PRIM2: variants seen among roughly 807,000 people sequenced by gnomAD.
The protein encoded by PRIM2 is DNA primase large subunit.
A neutral mutation model predicts 67.3 loss-of-function variants in PRIM2; 39 were observed. The ratio of observed to expected loss-of-function variants is 0.58; its 90% CI spans 0.45 to 0.76. PRIM2 has a LOEUF of 0.76. Among genes scored for constraint, PRIM2 ranks in the 30% least tolerant of loss-of-function variants. The pLI is 0.00. For missense variants in PRIM2, 398 were observed against 598.7 expected (o/e 0.66, Z 3.50); for synonymous variants, 143 against 198.7 (o/e 0.72, Z 2.36).
the PRIM2 span, among the ~76,000 whole-genome samples, chr6:57,293,093 G>C: frequency 6.6e-6 from 1 of 152,076 alleles, no homozygotes; most frequent in African/African-American, 2.4e-5. Context: ...CTACCCATCC[G>C]ACAAAGGGCT....
At chr6:57,463,274 T>C (rs4990708) in intron 7 of PRIM2, among the ~76,000 whole-genome samples, 92 of 152,304 alleles carry the variant, frequency 6.0e-4, no homozygotes, top group African/African-American at 1.9e-3. Flanking sequence ...GGAGGATCGC[T>C]TGAGGCGAGG....
intron 7 of PRIM2, among the ~76,000 whole-genome samples, chr6:57,466,967 A>G (rs1367782639): frequency 2.0e-5 from 3 of 152,148 alleles, no homozygotes; most frequent in South Asian, 4.2e-4. Context: ...CTAAAATACA[A>G]AATTAGCCAG....
At chr6:57,357,437 T>C (rs1769066438) in intron 5 of PRIM2, among the ~76,000 whole-genome samples, 1 of 152,252 alleles carries the variant, frequency 6.6e-6, no homozygotes, top group African/African-American at 2.4e-5. Flanking sequence ...ACCAGCCATG[T>C]GAACTTCCTT....
chr6:57,615,882 T>G (rs1776748010), intron 12 of PRIM2, among the ~76,000 whole-genome samples: 1 of 152,122 alleles, frequency 6.6e-6, no homozygotes, highest in East Asian at 1.9e-4. Flanking sequence ...ACAGCAAGAC[T>G]CCATCTCTCC....
At chr6:57,348,137 A>G (rs1258298028) in intron 5 of PRIM2, among the ~76,000 whole-genome samples, 4 of 152,030 alleles carry the variant, frequency 2.6e-5, no homozygotes, top group African/African-American at 9.7e-5. Context: ...CTCTAGGGAA[A>G]ACATTATATT....
the PRIM2 span, among the ~76,000 whole-genome samples, chr6:57,236,667 T>C: frequency 6.6e-6 from 1 of 152,110 alleles, no homozygotes; most frequent in East Asian, 1.9e-4. Flanking sequence ...CATGCGGTGT[T>C]TGGTTTTTTG....
chr6:57,244,343 C>T, the PRIM2 span, among the ~76,000 whole-genome samples: 1 of 152,188 alleles, frequency 6.6e-6, no homozygotes, highest in Non-Finnish European at 1.5e-5. Flanking sequence ...AAGTCTCTTT[C>T]TTCCAAATTC....
intron 10 of PRIM2, among the ~76,000 whole-genome samples, chr6:57,579,599 G>T (rs1258195729): frequency 7.6e-6 from 1 of 131,960 alleles, no homozygotes; most frequent in Non-Finnish European, 1.6e-5. Context: ...GAGCTAATTT[G>T]ATAATTAACA....
chr6:57,374,468 A>G (rs1769685607), intron 5 of PRIM2, among the ~76,000 whole-genome samples: 1 of 150,108 alleles, frequency 6.7e-6, no homozygotes, highest in African/African-American at 2.5e-5. Flanking sequence ...TAATTTTTGT[A>G]TTTTTAGTAG....
intron 11 of PRIM2, among the ~76,000 whole-genome samples, chr6:57,603,223 G>C (rs1346415906): frequency 2.0e-5 from 3 of 151,954 alleles, no homozygotes; most frequent in African/African-American, 7.2e-5. Flanking sequence ...TTTTGTTTTC[G>C]TCTTTTTTCT....
chr6:57,329,083 C>T (rs1013269066), intron 5 of PRIM2, among the ~76,000 whole-genome samples: 1 of 151,640 alleles, frequency 6.6e-6, no homozygotes, highest in Non-Finnish European at 1.5e-5. Context: ...TATTTTCCCC[C>T]ACTCTGAAGG....
chr6:57,306,404 A>T, the PRIM2 span, among the ~76,000 whole-genome samples: 1 of 152,138 alleles, frequency 6.6e-6, no homozygotes, highest in Non-Finnish European at 1.5e-5. Flanking sequence ...ACTCCCGACC[A>T]TGTCATTATA....
At chr6:57,539,376 G>T (rs1213018783) in intron 10 of PRIM2, among the ~76,000 whole-genome samples, 2 of 151,926 alleles carry the variant, frequency 1.3e-5, no homozygotes, top group African/African-American at 4.8e-5. Context: ...ACCAATCATT[G>T]AAAATATCTT....
intron 7 of PRIM2, among the ~76,000 whole-genome samples, chr6:57,398,107 A>T (rs1344324653): frequency 3.3e-5 from 5 of 151,618 alleles, no homozygotes; most frequent in African/African-American, 1.2e-4. Flanking sequence ...CTACAGATGC[A>T]CACCACCACA....
intron 13 of PRIM2, among the ~76,000 whole-genome samples, chr6:57,640,386 G>A (rs1777209215): frequency 6.6e-6 from 1 of 152,168 alleles, no homozygotes. Context: ...GTTCTAGCCA[G>A]GGCAATCAGG....
At chr6:57,241,833 T>C in the PRIM2 span, among the ~76,000 whole-genome samples, 10 of 150,728 alleles carry the variant, frequency 6.6e-5, no homozygotes, top group African/African-American at 2.0e-4. Flanking sequence ...CCACCACGCC[T>C]GGCTAATTTT....
chr6:57,622,902 A>T (rs1776885049), intron 12 of PRIM2, among the ~76,000 whole-genome samples: 1 of 152,218 alleles, frequency 6.6e-6, no homozygotes, highest in Non-Finnish European at 1.5e-5. Context: ...ACTGTCAAGA[A>T]GATTTTATGA....
chr6:57,478,326 GTTTT>G (rs1266595712), intron 7 of PRIM2, among the ~76,000 whole-genome samples: 1 of 133,728 alleles, frequency 7.5e-6, no homozygotes, highest in African/African-American at 3.0e-5. Flanking sequence ...TTGTGGTTGT[GTTTT>G]TTTTTTGTTT....
chr6:57,590,568 T>A (rs1464406489), intron 10 of PRIM2, among the ~76,000 whole-genome samples: 1 of 152,100 alleles, frequency 6.6e-6, no homozygotes, highest in Non-Finnish European at 1.5e-5. Context: ...ACTAACAGGA[T>A]CCTTGCTGCA....
Sources: gnomAD v4.1 joint callset for allele counts (sites outside exome capture counted in the v4.1 genomes callset) on GRCh38, gnomAD v4.1.1 for gene constraint, MANE v1.5 for transcripts, NCBI Gene and HGNC (gene_info 2026-07-23, HGNC 2026-07-21) for gene names.